Variants in WWC1 observed in about 807,000 individuals in gnomAD.
WWC1 encodes WW and C2 domain containing 1.
A neutral mutation model predicts 138.4 loss-of-function variants in WWC1; 55 were observed. That is an observed-to-expected ratio of 0.40 (90% confidence interval 0.32 to 0.50). WWC1 has a LOEUF of 0.50. WWC1 is among the 20% of genes least tolerant of loss of function. The pLI is 0.72. For synonymous variants in WWC1, 524 were observed against 564.9 expected, an observed-to-expected ratio of 0.93 and a Z score of 1.03; for missense variants, 1,226 against 1,420.4, an observed-to-expected ratio of 0.86 and a Z score of 2.20.
intron 1 of WWC1, among the ~76,000 whole-genome samples, chr5:168,364,094 T>C (rs934836440): frequency 1.1e-4 from 17 of 152,126 alleles, no homozygotes; most frequent in African/African-American, 3.9e-4. Flanking sequence ...ATAGGTTATC[T>C]CATTTAATCC....
chr5:168,342,444 C>T (rs1044002139), intron 1 of WWC1, among the ~76,000 whole-genome samples: 1 of 152,100 alleles, frequency 6.6e-6, no homozygotes, highest in South Asian at 2.1e-4. Flanking sequence ...ACATTCCCTG[C>T]CTCCTGGAAG....
At chr5:168,439,319 C>G (rs1754535672) in intron 15 of WWC1, among the ~76,000 whole-genome samples, 1 of 151,958 alleles carries the variant, frequency 6.6e-6, no homozygotes, top group African/African-American at 2.4e-5. Flanking sequence ...GTTGCTGGAC[C>G]TTTGGGTCAT....
intron 1 of WWC1, among the ~76,000 whole-genome samples, chr5:168,317,310 G>C (rs1356520366): frequency 6.6e-6 from 1 of 152,188 alleles, no homozygotes; most frequent in Non-Finnish European, 1.5e-5. Context: ...GCGTTTGTCT[G>C]TGTGTCCTGA....
rs1015212404 is a variant in WWC1, at chr5:168,458,533, G to T, written c.2824-2117G>T. 7.9e-5 allele frequency among the ~76,000 whole-genome samples: 12 copies of T among 152,238 alleles called. No individual in the cohort carries two copies. In the Middle Eastern group the frequency reaches 0.01, roughly 129 times the overall value. ...TCCCCCACTGAACTCGAAGTCCATG[G>T]ATAGGGACAATGAATTACCCTTCCT... On this transcript the variant is annotated intron_variant, in intron 19 of 22. Transcript: ENST00000265293.
intron 17 of WWC1, among the ~76,000 whole-genome samples, chr5:168,451,932 G>A (rs1303030436): frequency 8.1e-6 from 1 of 124,208 alleles, no homozygotes; most frequent in African/African-American, 3.2e-5. Context: ...TTGAGGTGGA[G>A]TCTCAGTCTG....
intron 9 of WWC1, chr5:168,415,957 G>A (rs571405874): frequency 1.3e-5 from 2 of 152,108 alleles, no homozygotes; most frequent in East Asian, 3.9e-4. Flanking sequence ...CGTGCCTACT[G>A]CCTCAGTGGA....
At chr5:168,374,070 A>G (rs1776983486) in intron 2 of WWC1, among the ~76,000 whole-genome samples, 1 of 149,318 alleles carries the variant, frequency 6.7e-6, no homozygotes, top group South Asian at 2.1e-4. Flanking sequence ...AAAAAGAGAG[A>G]GAGGTATAGC....
Position 168,469,414 on chromosome 5 carries a change from C to A in WWC1, c.*397C>A, listed in dbSNP as rs148403937. On this transcript the variant is annotated 3_prime_UTR_variant, in exon 23 of 23. Transcript: ENST00000265293. ...GGTCTTACTGCAATAAGAAGTAATGCCTGGGGGACGGTAATCCTAATAGGA... is the reference window on the plus strand; with the variant it reads ...GGTCTTACTGCAATAAGAAGTAATGACTGGGGGACGGTAATCCTAATAGGA... 81 of 182,492 alleles carry A rather than the reference C, an allele frequency of 4.4e-4. No individual in the cohort carries two copies. The highest frequency in any genetic ancestry group is 1.7e-3 in the African/African-American group (74 of 42,504). 11.3% of individuals were successfully genotyped at this position (182,492 alleles called of 1,614,324 possible).
intron 17 of WWC1, among the ~76,000 whole-genome samples, chr5:168,445,481 C>T (rs1755167706): frequency 6.6e-6 from 1 of 151,764 alleles, no homozygotes; most frequent in Admixed American, 6.6e-5. Flanking sequence ...AGATGGATCA[C>T]CTGAGGTTAG....
At chr5:168,408,712 T>C (rs1780000769) in intron 7 of WWC1, 59 bp downstream of exon 7, 1 of 1,598,088 alleles carries the variant, frequency 6.3e-7, no homozygotes, top group Admixed American at 1.7e-5. Flanking sequence ...GGGAGGCTGC[T>C]GTAATGGACA....
intron 1 of WWC1, among the ~76,000 whole-genome samples, chr5:168,339,525 G>C (rs1208348929): frequency 6.6e-6 from 1 of 152,172 alleles, no homozygotes; most frequent in South Asian, 2.1e-4. Context: ...GCTTTCCCTG[G>C]TTCTGCCGTT....
intron 1 of WWC1, among the ~76,000 whole-genome samples, chr5:168,346,259 T>G (rs570121479): frequency 6.6e-6 from 1 of 152,068 alleles, no homozygotes; most frequent in Admixed American, 6.6e-5. Flanking sequence ...GTATAAACAC[T>G]GTAAGGAGAT....
At chr5:168,322,134 A>G (rs900236429) in intron 1 of WWC1, among the ~76,000 whole-genome samples, 1 of 152,214 alleles carries the variant, frequency 6.6e-6, no homozygotes, top group Non-Finnish European at 1.5e-5. Context: ...GCAACATGAC[A>G]TGTGATTTTG....
At chr5:168,300,691 C>T (rs1325318570) in intron 1 of WWC1, among the ~76,000 whole-genome samples, 1 of 150,086 alleles carries the variant, frequency 6.7e-6, no homozygotes, top group Non-Finnish European at 1.5e-5. Flanking sequence ...ACCAGGCCAA[C>T]TGCAGCTGCT....
chr5:168,452,440 C>T (rs966319110), intron 17 of WWC1, among the ~76,000 whole-genome samples: 15 of 152,228 alleles, frequency 9.9e-5, no homozygotes, highest in East Asian at 3.9e-4. Flanking sequence ...ACCAGGGATG[C>T]GCATGCACAG....
chr5:168,382,549 G>A (rs563060702), intron 2 of WWC1, among the ~76,000 whole-genome samples: 1 of 152,160 alleles, frequency 6.6e-6, no homozygotes, highest in Non-Finnish European at 1.5e-5. Context: ...TTTTCTGTGG[G>A]CTGTGCCAGC....
At chr5:168,309,421 C>T (rs1244985399) in intron 1 of WWC1, among the ~76,000 whole-genome samples, 1 of 149,828 alleles carries the variant, frequency 6.7e-6, no homozygotes, top group Non-Finnish European at 1.5e-5. Flanking sequence ...ACAACATAGG[C>T]ATGGTTCCCA....
chr5:168,349,070 C>T (rs1009664861), intron 1 of WWC1, among the ~76,000 whole-genome samples: 1 of 152,142 alleles, frequency 6.6e-6, no homozygotes, highest in African/African-American at 2.4e-5. Context: ...CAAGAGCTGG[C>T]AGGTGACAGA....
intron 17 of WWC1, among the ~76,000 whole-genome samples, chr5:168,450,252 T>C (rs867226590): frequency 6.6e-6 from 1 of 152,152 alleles, no homozygotes. Context: ...CTTCCAACCT[T>C]GGAGTCCAAG....
Sources: gnomAD v4.1 joint callset for allele counts (sites outside exome capture counted in the v4.1 genomes callset) on GRCh38, gnomAD v4.1.1 for gene constraint, MANE v1.5 for transcripts, NCBI Gene and HGNC (gene_info 2026-07-23, HGNC 2026-07-21) for gene names.